Variants in JMJD1C observed in about 807,000 individuals in gnomAD.
JMJD1C encodes the protein jumonji domain-containing protein 1C.
JMJD1C carries 31 observed loss-of-function variants against 245.3 expected under a neutral mutation model. That is an observed-to-expected ratio of 0.13 (90% CI 0.09 to 0.17). The LOEUF is 0.17. Ranked by LOEUF, JMJD1C falls within the 10% of genes least tolerant of loss-of-function variation. The probability of loss-of-function intolerance (pLI) is 1.00; values close to 1 mark genes in which losing one functional copy is unlikely to be tolerated. For synonymous variants in JMJD1C, 1,057 were observed against 1,017.4 expected (o/e 1.04, Z -0.74); for missense variants, 2,691 against 3,000.2 (o/e 0.90, Z 2.41).
intron 1 of JMJD1C, among the ~76,000 whole-genome samples, chr10:63,398,836 G>A (rs1948676671): frequency 6.6e-6 from 1 of 152,072 alleles, no homozygotes; most frequent in African/African-American, 2.4e-5. Context: ...GTAGAGACAG[G>A]GTTTCACCAT....
intron 3 of JMJD1C, among the ~76,000 whole-genome samples, chr10:63,247,305 T>C (rs1450041141): frequency 1.3e-5 from 2 of 152,100 alleles, no homozygotes; most frequent in Non-Finnish European, 2.9e-5. Context: ...TAGAGACTAC[T>C]ATCAACAACT....
In JMJD1C at chr10:63,214,082, T is replaced by C. The variant is rs764269914; in HGVS notation, c.2085A>G (p.Thr695=). The change falls in exon 8 of 26, where the codon ACA becomes ACG. Residue 695 remains threonine, a synonymous_variant. Transcript: ENST00000399262. Reference sequence around the variant, plus strand: ...TAAGAGGACTCTTTGTAGTTTCTAATGTACTGCTTCGAGTAGGAATTGGAT... The same window carrying C: ...TAAGAGGACTCTTTGTAGTTTCTAACGTACTGCTTCGAGTAGGAATTGGAT... ...SFHPIPTRSS[T]LETTKSPLII... The C allele has an allele frequency of 5.0e-6, 8 of 1,614,054 alleles. No individual in the cohort carries two copies. In the East Asian group the frequency reaches 8.9e-5, roughly 18 times the overall value.
chr10:63,496,919 T>C (rs537510156), intron 1 of JMJD1C, among the ~76,000 whole-genome samples: 4 of 152,138 alleles, frequency 2.6e-5, no homozygotes, highest in Non-Finnish European at 5.9e-5. Context: ...CAAAGAAGGG[T>C]GTTTCCTTAG....
At chr10:63,413,466 CAT>C (rs1218351575) in intron 1 of JMJD1C, among the ~76,000 whole-genome samples, 3 of 152,064 alleles carry the variant, frequency 2.0e-5, no homozygotes, top group African/African-American at 7.2e-5. Context: ...AAAATAGAGA[CAT>C]AATCTCATAT....
intron 3 of JMJD1C, among the ~76,000 whole-genome samples, chr10:63,233,598 C>T (rs1351827944): frequency 2.6e-5 from 4 of 151,824 alleles, no homozygotes; most frequent in Admixed American, 6.6e-5. Context: ...TCTACTTAAG[C>T]AATGGGATAC....
intron 1 of JMJD1C, among the ~76,000 whole-genome samples, chr10:63,383,038 GTTCT>G (rs72246020): frequency 0.041 from 6,268 of 152,120 alleles, 186 homozygotes; most frequent in Non-Finnish European, 0.062. Flanking sequence ...AGGTAGAACT[GTTCT>G]TTCATTTATT....
At chr10:63,359,415 G>T (rs1244870788) in intron 2 of JMJD1C, among the ~76,000 whole-genome samples, 1 of 152,186 alleles carries the variant, frequency 6.6e-6, no homozygotes, top group East Asian at 1.9e-4. Flanking sequence ...TTCTTCAAAA[G>T]TTAATTTTTG....
chr10:63,383,694 A>G (rs1445810594), intron 1 of JMJD1C, among the ~76,000 whole-genome samples: 1 of 152,134 alleles, frequency 6.6e-6, no homozygotes, highest in Non-Finnish European at 1.5e-5. Context: ...AGCAAGACCC[A>G]GTCTCAAAAA....
At chr10:63,350,164 C>T (rs1944225279) in intron 2 of JMJD1C, among the ~76,000 whole-genome samples, 1 of 152,166 alleles carries the variant, frequency 6.6e-6, no homozygotes, top group Admixed American at 6.5e-5. Flanking sequence ...TTATTACCTC[C>T]ATTTTGCAGA....
At chr10:63,303,206 T>G (rs920587043) in intron 2 of JMJD1C, among the ~76,000 whole-genome samples, 1 of 152,276 alleles carries the variant, frequency 6.6e-6, no homozygotes, top group Non-Finnish European at 1.5e-5. Flanking sequence ...ATCTTTCAAC[T>G]ATTAACCTGA....
intron 2 of JMJD1C, among the ~76,000 whole-genome samples, chr10:63,345,999 CCT>C (rs1943787258): frequency 6.6e-6 from 1 of 152,136 alleles, no homozygotes; most frequent in African/African-American, 2.4e-5. Flanking sequence ...TTATTTTACT[CCT>C]TACGACTTTC....
chr10:63,452,154 G>T (rs776967759), intron 1 of JMJD1C, among the ~76,000 whole-genome samples: 33 of 152,002 alleles, frequency 2.2e-4, no homozygotes, highest in Non-Finnish European at 3.7e-4. Context: ...ATGTGAAAAG[G>T]CAACCCACAG....
intron 2 of JMJD1C, among the ~76,000 whole-genome samples, chr10:63,320,404 G>T (rs1940707264): frequency 6.6e-6 from 1 of 151,260 alleles, no homozygotes; most frequent in South Asian, 2.1e-4. Context: ...TGTTTTATTT[G>T]GTCTGTGTGC....
chr10:63,499,602 C>T (rs1440868525), intron 1 of JMJD1C, among the ~76,000 whole-genome samples: 1 of 152,012 alleles, frequency 6.6e-6, no homozygotes, highest in Admixed American at 6.6e-5. Flanking sequence ...TGAAAAACAA[C>T]AGTTTAGAGA....
intron 1 of JMJD1C, among the ~76,000 whole-genome samples, chr10:63,503,463 G>A (rs984110409): frequency 2.6e-5 from 4 of 152,130 alleles, no homozygotes; most frequent in Admixed American, 6.6e-5. Flanking sequence ...AAGTTTGGGA[G>A]ACAATGGACT....
Position 63,361,247 on chromosome 10 carries a change from A to C in JMJD1C, c.333+19071T>G, listed in dbSNP as rs554494601. 3.9e-5 allele frequency among the ~76,000 whole-genome samples: 6 copies of C among 152,266 alleles called. 1 individual carries two copies. The highest frequency in any genetic ancestry group is 1.4e-4 in the African/African-American group (6 of 41,544). ...AGACCAGCCTGGCCAACATGGCGAA[A>C]CCCTGTCTCTACTAAAAATACAAAA... On this transcript the variant is annotated intron_variant, in intron 2 of 25. Transcript: ENST00000399262.
At chr10:63,445,843 G>A (rs1448204006) in intron 1 of JMJD1C, among the ~76,000 whole-genome samples, 2 of 142,360 alleles carry the variant, frequency 1.4e-5, no homozygotes, top group Non-Finnish European at 3.0e-5. Flanking sequence ...TAGAAAAAAT[G>A]ACATGTGCTG....
At chr10:63,297,869 T>C (rs530953826) in intron 2 of JMJD1C, among the ~76,000 whole-genome samples, 1 of 152,124 alleles carries the variant, frequency 6.6e-6, no homozygotes, top group Non-Finnish European at 1.5e-5. Context: ...AAAGAAGAGC[T>C]GTGGCCCTAC....
chr10:63,389,385 A>G, intron 1 of JMJD1C, among the ~76,000 whole-genome samples: 1 of 150,880 alleles, frequency 6.6e-6, no homozygotes, highest in Admixed American at 6.6e-5. Context: ...TGGGGTTTCC[A>G]ACAACCCACT....
Sources: allele counts gnomAD v4.1 joint callset (sites outside exome capture counted in the v4.1 genomes callset), GRCh38; gene constraint gnomAD v4.1.1; transcripts MANE v1.5; gene names NCBI Gene and HGNC (gene_info 2026-07-23, HGNC 2026-07-21).